KCNN3: variants seen among roughly 807,000 people sequenced by gnomAD.
KCNN3 encodes small conductance calcium-activated potassium channel protein 3.
A neutral mutation model predicts 62.9 loss-of-function variants in KCNN3; 16 were observed. The observed-to-expected ratio is 0.25, with a 90% CI of 0.17 to 0.39. KCNN3 has a LOEUF of 0.39. Among genes scored for constraint, KCNN3 ranks in the 10% least tolerant of loss-of-function variants. The pLI, the probability that KCNN3 is intolerant of heterozygous loss-of-function variation, is 1.00. For missense variants in KCNN3, 599 were observed against 949.4 expected (o/e 0.63, Z 4.85); for synonymous variants, 370 against 389.2 (o/e 0.95, Z 0.58).
rs545702539 is a variant in KCNN3 at position 154,757,726 on chromosome 1, G to A, written c.1448+14249C>T. ...GCCTTCGCTTCATGAGGACACTGATGACCAGGGGAGGAGAGTGAGCGAGAG... is the reference window on the plus strand; with the variant it reads ...GCCTTCGCTTCATGAGGACACTGATAACCAGGGGAGGAGAGTGAGCGAGAG... On this transcript the variant is annotated intron_variant, in intron 3 of 7. Transcript: ENST00000271915. 5.3e-5 allele frequency among the ~76,000 whole-genome samples: 8 copies of A among 152,296 alleles called. No homozygotes were observed. The South Asian group carries it at 1.7e-3, about 32-fold the overall frequency.
intron 2 of KCNN3, among the ~76,000 whole-genome samples, chr1:154,802,481 C>T (rs1437884256): frequency 2.0e-5 from 3 of 152,110 alleles, no homozygotes; most frequent in Admixed American, 6.5e-5. Context: ...GGGCAGGGCC[C>T]AGGAAGTATG....
At chr1:154,811,612 T>C (rs575021494) in intron 2 of KCNN3, among the ~76,000 whole-genome samples, 6 of 152,338 alleles carry the variant, frequency 3.9e-5, no homozygotes, top group African/African-American at 1.2e-4. Context: ...TTGAATTGCA[T>C]CGAATTCTTT....
intron 2 of KCNN3, among the ~76,000 whole-genome samples, chr1:154,806,991 C>A (rs114942762): frequency 3.5e-4 from 53 of 152,288 alleles, no homozygotes; most frequent in African/African-American, 1.2e-3. Context: ...AGAATGTTCT[C>A]TGCTACAAGA....
chr1:154,828,564 T>A (rs1651241080), intron 1 of KCNN3, among the ~76,000 whole-genome samples: 1 of 152,200 alleles, frequency 6.6e-6, no homozygotes, highest in Non-Finnish European at 1.5e-5. Context: ...TCAAGTCATG[T>A]CTTTGCTACT....
At position 154,713,406 on chromosome 1, in the gene KCNN3, C is replaced by T. The variant is rs1019477945; in HGVS notation, c.1899+58G>A. 4.2e-6 allele frequency: 6 copies of T among 1,412,996 alleles called. No individual in the cohort carries two copies. The Admixed American group carries it at 1.0e-4, about 24-fold the overall frequency. The allele number at this position is 1,412,996 out of a possible 1,614,324, so 87.5% of individuals were successfully genotyped here. The stretch of plus-strand genomic sequence containing the variant: ...AACCCAGCCAGGACTCACAGGTGAG[C>T]CTGAGAAGACTCAGTGTCTGCGTGT... On this transcript the variant is annotated intron_variant, in intron 7 of 7. Transcript: ENST00000271915.
intron 1 of KCNN3, among the ~76,000 whole-genome samples, chr1:154,829,528 G>A (rs951350948): frequency 6.6e-6 from 1 of 152,142 alleles, no homozygotes; most frequent in Non-Finnish European, 1.5e-5. Context: ...CCCACAGCCA[G>A]GGGATGCTTG....
At chr1:154,793,821 C>T (rs187454874) in intron 2 of KCNN3, among the ~76,000 whole-genome samples, 6 of 152,278 alleles carry the variant, frequency 3.9e-5, no homozygotes, top group African/African-American at 1.2e-4. Flanking sequence ...GGAAACCCGA[C>T]CTGCCCCAGA....
intron 1 of KCNN3, among the ~76,000 whole-genome samples, chr1:154,858,420 G>A (rs571531366): frequency 3.3e-5 from 5 of 152,202 alleles, no homozygotes; most frequent in African/African-American, 4.8e-5. Context: ...TAAAGGGGCC[G>A]CTGCGCAAGG....
At chr1:154,832,383 A>G (rs529778759) in intron 1 of KCNN3, among the ~76,000 whole-genome samples, 1 of 152,100 alleles carries the variant, frequency 6.6e-6, no homozygotes, top group African/African-American at 2.4e-5. Context: ...GGAGAACTGT[A>G]TAGCATACTG....
intron 4 of KCNN3, among the ~76,000 whole-genome samples, chr1:154,729,991 C>G (rs1437790592): frequency 6.6e-6 from 1 of 152,206 alleles, no homozygotes; most frequent in East Asian, 1.9e-4. Context: ...TAGAAAGAGG[C>G]TAGATTGAAA....
chr1:154,750,047 C>T (rs1029697916), intron 3 of KCNN3, among the ~76,000 whole-genome samples: 4 of 152,174 alleles, frequency 2.6e-5, no homozygotes, highest in Admixed American at 2.6e-4. Context: ...TGGTCCGGCC[C>T]CAACTGCCCA....
chr1:154,860,764 C>T (rs779451222), intron 1 of KCNN3, among the ~76,000 whole-genome samples: 4 of 152,190 alleles, frequency 2.6e-5, no homozygotes, highest in African/African-American at 9.7e-5. Context: ...CTTGATGCTC[C>T]AGGTGGCATC....
intron 3 of KCNN3, among the ~76,000 whole-genome samples, chr1:154,744,104 T>A (rs899964293): frequency 8.5e-5 from 13 of 152,194 alleles, no homozygotes. Flanking sequence ...ATAATAGATA[T>A]GTGGCCTATT....
In KCNN3 at chr1:154,868,921, TC is replaced by T. The variant is rs1653062145; in HGVS notation, c.933+110del. The T allele has an allele frequency of 1.3e-4, 135 of 1,069,592 alleles. 1 individual carries two copies. Among genetic ancestry groups the T allele is most frequent in the Non-Finnish European group, 2.6e-5 (18 of 690,582 alleles). 66.3% of individuals were successfully genotyped at this position (1,069,592 alleles called of 1,614,324 possible). On this transcript the variant is annotated intron_variant, in intron 1 of 7. Transcript: ENST00000271915. ...CTCAATCTCTCTCTCTCTCTCTCTC[TC>T]TCTCTCTCTCTCTCAATCTCTCTCT...
chr1:154,783,471 C>T (rs1030074182), intron 2 of KCNN3, among the ~76,000 whole-genome samples: 3 of 148,818 alleles, frequency 2.0e-5, no homozygotes, highest in Non-Finnish European at 1.5e-5. Context: ...CTCCTCTTCC[C>T]GCCAGTGAAC....
At chr1:154,843,002 A>G (rs544402831) in intron 1 of KCNN3, among the ~76,000 whole-genome samples, 1 of 152,312 alleles carries the variant, frequency 6.6e-6, no homozygotes, top group Non-Finnish European at 1.5e-5. Flanking sequence ...ACACGTGTAA[A>G]TAAGTGGCTT....
intron 6 of KCNN3, among the ~76,000 whole-genome samples, chr1:154,714,235 T>TGTGTG (rs769475655): frequency 0.022 from 224 of 10,306 alleles, no homozygotes; most frequent in Middle Eastern, 0.071. Flanking sequence ...GTGTGGGGTG[T>TGTGTG]GTGCGGTGTG....
rs1699806649 is a variant in KCNN3, at chr1:154,699,403, GTGTGTGCACCTA to G, written c.*8561_*8572del. The G allele has an allele frequency of 6.6e-6, 1 of 152,080 alleles. No homozygotes were observed. Among genetic ancestry groups the G allele is most frequent in the Non-Finnish European group, 1.5e-5 (1 of 68,020 alleles). 9.4% of individuals were successfully genotyped at this position (152,080 alleles called of 1,614,324 possible). ...ATTATATATGAATGTGCGGGTATATGTGTGTGCACCTATGTATGTATAAATCTGTAAATATTT... is the reference window on the plus strand; with the variant it reads ...ATTATATATGAATGTGCGGGTATATGTGTATGTATAAATCTGTAAATATTT... On this transcript the variant is annotated 3_prime_UTR_variant, in exon 8 of 8. Transcript: ENST00000271915.
At chr1:154,722,855 C>CT (rs1218267251) in intron 5 of KCNN3, among the ~76,000 whole-genome samples, 1 of 152,054 alleles carries the variant, frequency 6.6e-6, no homozygotes, top group Non-Finnish European at 1.5e-5. Context: ...CCTCAGCCTC[C>CT]TGAGTAGCTG....
Sources: gnomAD v4.1 joint callset for allele counts (sites outside exome capture counted in the v4.1 genomes callset) on GRCh38, gnomAD v4.1.1 for gene constraint, MANE v1.5 for transcripts, NCBI Gene and HGNC (gene_info 2026-07-23, HGNC 2026-07-21) for gene names.